Variants in C1QTNF5 observed in about 807,000 individuals in gnomAD.
C1QTNF5 encodes complement C1q tumor necrosis factor-related protein 5.
C1QTNF5 carries 5 observed loss-of-function variants against 10.9 expected under a neutral mutation model. The ratio of observed to expected loss-of-function variants is 0.46; its 90% CI spans 0.24 to 0.97. The LOEUF (loss-of-function observed/expected upper bound fraction) is 0.97. Ranked by LOEUF, C1QTNF5 falls within the 50% of genes least tolerant of loss-of-function variation. C1QTNF5 has a pLI of 0.19. For missense variants in C1QTNF5, 281 were observed against 339.4 expected (o/e 0.83, Z 1.35); for synonymous variants, 161 against 156.5 (o/e 1.03, Z -0.22).
At position 119,340,212 on chromosome 11, in the gene C1QTNF5, C is replaced by T. The variant is rs755185079; in HGVS notation, c.186G>A (p.Pro62=). 150 of 1,514,826 alleles carry T rather than the reference C, an allele frequency of 9.9e-5. No individual in the cohort carries two copies. The highest frequency in any genetic ancestry group is 8.2e-5 in the Non-Finnish European group (93 of 1,134,230). 93.8% of individuals were successfully genotyped at this position (1,514,826 alleles called of 1,614,324 possible). Residue 62 remains proline, a synonymous_variant, in exon 2 of 3, where the codon CCG becomes CCA. Transcript: ENST00000528368. The part of the protein sequence containing the change: ...RDGRDGAPGA[P]GEKGEGGRPG... ...GCCTCCCGCCCTCGCCTTTCTCTCCCGGAGCCCCGGGCGCGCCGTCGCGGC... is the reference window on the plus strand; with the variant it reads ...GCCTCCCGCCCTCGCCTTTCTCTCCTGGAGCCCCGGGCGCGCCGTCGCGGC...
At chr11:119,344,095 G>C, upstream of C1QTNF5, 1 of 1,237,424 alleles carries the variant, frequency 8.1e-7, no homozygotes, top group Non-Finnish European at 1.2e-6. Context: ...TGGTTCTTAA[G>C]GACCTTTAAT....
At chr11:119,345,992 G>A in the C1QTNF5 span, 4 of 1,613,034 alleles carry the variant, frequency 2.5e-6, no homozygotes, top group East Asian at 8.9e-5. Context: ...TGGGAGAGCG[G>A]CTCATGGAGT....
chr11:119,344,088 T>C (rs948414), upstream of C1QTNF5: 795,190 of 1,292,110 alleles, frequency 0.62, 247,343 homozygotes, highest in Admixed American at 0.75. Context: ...TCATTGGTGG[T>C]TCTTAAGGAC....
chr11:119,345,281 G>A (rs73004833), upstream of C1QTNF5: 59,637 of 895,102 alleles, frequency 0.067, 2,387 homozygotes, highest in Non-Finnish European at 0.081. Context: ...CACACAGCAA[G>A]GTGGTGGCAG....
intron 2 of C1QTNF5, 110 bp downstream of exon 2, chr11:119,340,074 G>A (rs1156781373): frequency 2.2e-6 from 3 of 1,346,686 alleles, no homozygotes; most frequent in Admixed American, 3.1e-5. Flanking sequence ...TGCAAAGCGC[G>A]GGGAGTGGCG....
the C1QTNF5 span, chr11:119,346,154 G>C: frequency 6.3e-7 from 1 of 1,590,130 alleles, no homozygotes; most frequent in African/African-American, 1.3e-5. Context: ...CCTCGAGGAC[G>C]CCGACCTGCG....
chr11:119,345,367 T>C (rs985327427), upstream of C1QTNF5: 7 of 1,569,506 alleles, frequency 4.5e-6, no homozygotes, highest in Admixed American at 1.7e-5. Flanking sequence ...GATTCTGCTC[T>C]TTAGATAGTG....
At chr11:119,342,648 G>C, upstream of C1QTNF5, 1 of 1,613,686 alleles carries the variant, frequency 6.2e-7, no homozygotes. Context: ...CATCGGTGCA[G>C]TCTCTCCACA....
At chr11:119,346,267 G>C in the C1QTNF5 span, 2 of 1,610,926 alleles carry the variant, frequency 1.2e-6, no homozygotes, top group Non-Finnish European at 1.7e-6. Flanking sequence ...CCCTGGGATG[G>C]TTACCATGCC....
chr11:119,345,490 T>C (rs779008190), upstream of C1QTNF5: 7 of 1,614,118 alleles, frequency 4.3e-6, no homozygotes, highest in Non-Finnish European at 5.9e-6. Flanking sequence ...ACACTCTCTA[T>C]GCTGAGGGCT....
the C1QTNF5 span, chr11:119,345,964 A>G: frequency 5.0e-6 from 8 of 1,613,520 alleles, no homozygotes; most frequent in Middle Eastern, 1.6e-4. Context: ...CGTTCAGAGG[A>G]GCTGGGTCCT....
rs1283376665 is a variant in C1QTNF5 at position 119,340,371 on chromosome 11, G to A, written c.27C>T (p.Leu9=). The A allele has an allele frequency of 2.6e-6, 4 of 1,544,900 alleles. No homozygotes were observed. The highest frequency in any genetic ancestry group is 2.0e-5 in the Admixed American group (1 of 50,866). Residue 9 remains leucine (L), a synonymous_variant, in exon 2 of 3, where the codon CTC becomes CTT. Transcript: ENST00000528368. ...GGGGCGAGCCGGCCGCCAGGCCCAG[G>A]AGCAGCAGGACGAGGAGTGGCCTCA... The part of the protein sequence containing the change: MRPLLVLL[L]LGLAAGSPPL...
At chr11:119,344,232 C>T, upstream of C1QTNF5, 5 of 1,309,730 alleles carry the variant, frequency 3.8e-6, no homozygotes, top group Admixed American at 1.7e-5. Flanking sequence ...GTAGTGTCTA[C>T]CATGCCATTC....
At chr11:119,344,810 A>G (rs1950543191), upstream of C1QTNF5, 4 of 1,613,586 alleles carry the variant, frequency 2.5e-6, no homozygotes, top group Non-Finnish European at 2.5e-6. Context: ...CCCCTTTGAC[A>G]GGACTGGGAG....
chr11:119,341,366 A>G (rs915615230), upstream of C1QTNF5: 6 of 608,796 alleles, frequency 9.9e-6, no homozygotes, highest in Non-Finnish European at 1.7e-5. Flanking sequence ...AGGGACAGGA[A>G]GGAGCAGGGA....
At chr11:119,341,547 G>T, upstream of C1QTNF5, 1 of 1,612,056 alleles carries the variant, frequency 6.2e-7, no homozygotes, top group South Asian at 1.1e-5. Context: ...CGGCTTCAGG[G>T]TCAGGGCTGG....
At chr11:119,343,398 T>C (rs1337939974), upstream of C1QTNF5, among the ~76,000 whole-genome samples, 1 of 152,230 alleles carries the variant, frequency 6.6e-6, no homozygotes, top group Non-Finnish European at 1.5e-5. Flanking sequence ...GTGCCTGTGA[T>C]CCCAGCTACT....
the C1QTNF5 span, chr11:119,346,449 G>A: frequency 1.2e-6 from 2 of 1,614,112 alleles, no homozygotes; most frequent in African/African-American, 1.3e-5. Flanking sequence ...ACGATTCTAT[G>A]TGGTCCTTAC....
chr11:119,342,400 G>A (rs934676751), upstream of C1QTNF5, among the ~76,000 whole-genome samples: 3 of 152,172 alleles, frequency 2.0e-5, no homozygotes, highest in East Asian at 3.8e-4. Context: ...TTCCCTTGGG[G>A]TGACACTCAG....
Sources: allele counts gnomAD v4.1 joint callset (sites outside exome capture counted in the v4.1 genomes callset), GRCh38; gene constraint gnomAD v4.1.1; transcripts MANE v1.5; gene names NCBI Gene and HGNC (gene_info 2026-07-23, HGNC 2026-07-21).